The following NUP50 variants were observed in gnomAD, a reference collection of about 807,000 sequenced individuals.
NUP50 encodes nucleoporin 50, also known as nuclear pore complex protein Nup50.
A neutral mutation model predicts 36.8 loss-of-function variants in NUP50; 14 were observed. The ratio of observed to expected loss-of-function variants is 0.38; its 90% CI spans 0.25 to 0.59. NUP50 has a LOEUF of 0.59. Ranked by LOEUF, NUP50 falls within the 20% of genes least tolerant of loss-of-function variation. NUP50 has a pLI of 0.63. For missense variants in NUP50, 455 were observed against 564.6 expected (o/e 0.81, Z 1.97); for synonymous variants, 195 against 210.8 (o/e 0.93, Z 0.65).
chr22:45,183,712 T>A (rs1361591214), intron 7 of NUP50, 192 bp downstream of exon 7: 5 of 516,996 alleles, frequency 9.7e-6, no homozygotes, highest in East Asian at 3.1e-5. Flanking sequence ...TGTTAGAAGC[T>A]GTAAACAAAA....
chr22:45,170,797 A>G (rs564334925), intron 2 of NUP50, among the ~76,000 whole-genome samples: 2 of 152,352 alleles, frequency 1.3e-5, no homozygotes, highest in South Asian at 4.1e-4. Context: ...TCAGGAATGA[A>G]AGAACTCCCA....
In NUP50 at chr22:45,187,354, C is replaced by CT. The variant is rs1350044396; in HGVS notation, c.*2702dup. Reference sequence around the variant, plus strand: ...GTCTGACTGTTCATAGGCTGATTTTCTTTAAGAGGATTATTCTGTTTTACA... The same window carrying CT: ...GTCTGACTGTTCATAGGCTGATTTTCTTTTAAGAGGATTATTCTGTTTTACA... On this transcript the variant is annotated 3_prime_UTR_variant, in exon 8 of 8. Transcript: ENST00000347635. 3 of 142,598 alleles carry CT rather than the reference C, an allele frequency of 2.1e-5. No homozygotes were observed. Among genetic ancestry groups the CT allele is most frequent in the Non-Finnish European group, 3.0e-5 (2 of 65,654 alleles). The allele number at this position is 142,598 out of a possible 1,614,324, so 8.8% of individuals were successfully genotyped here.
In NUP50 at chr22:45,176,042, C is replaced by T; in HGVS notation, c.302C>T (p.Ala101Val). ...GNNITSAPPF[A>V]SAKAAADPKV... ...AACATAACCAGTGCCCCTCCCTTCG[C>T]CAGTGCAAAGGCAGCGGCAGATCCC... The change falls in exon 4 of 8, where the codon GCC becomes GTC. Residue 101 changes from alanine (A) to valine (V), a missense_variant. Transcript: ENST00000347635. The T allele has an allele frequency of 6.2e-7, 1 of 1,614,184 alleles. No individual in the cohort carries two copies. Among genetic ancestry groups the T allele is most frequent in the Middle Eastern group, 1.6e-4 (1 of 6,062 alleles).
In NUP50 at chr22:45,185,599, A is replaced by G. The variant is rs1436620088; in HGVS notation, c.*944A>G. 2 of 152,216 alleles carry G rather than the reference A, an allele frequency of 1.3e-5. No homozygotes were observed. The highest frequency in any genetic ancestry group is 4.8e-5 in the African/African-American group (2 of 41,460). 9.4% of individuals were successfully genotyped at this position (152,216 alleles called of 1,614,324 possible). A position where few individuals can be genotyped will look rare whatever the true frequency, so the allele number is the denominator to read the frequency against. On this transcript the variant is annotated 3_prime_UTR_variant, in exon 8 of 8. Coordinates refer to ENST00000347635, the MANE Select transcript of NUP50 (RefSeq NM_007172.4). ...ACACGAGCCGTGTGAATTCACTAGG[A>G]AACATGTAATAAAGTCATGGAAGAG...
intron 3 of NUP50, among the ~76,000 whole-genome samples, chr22:45,173,100 A>T (rs1454221403): frequency 6.6e-6 from 1 of 152,210 alleles, no homozygotes; most frequent in Non-Finnish European, 1.5e-5. Flanking sequence ...TTTCATGTAG[A>T]ATTCAGGTTA....
intron 4 of NUP50, among the ~76,000 whole-genome samples, chr22:45,177,160 T>G (rs900585740): frequency 4.6e-5 from 7 of 152,146 alleles, no homozygotes; most frequent in Admixed American, 1.3e-4. Flanking sequence ...AAAGTGAGTG[T>G]TCGTATCCAC....
intron 3 of NUP50, among the ~76,000 whole-genome samples, chr22:45,173,852 A>C (rs1456079776): frequency 6.6e-6 from 1 of 152,224 alleles, no homozygotes; most frequent in Non-Finnish European, 1.5e-5. Flanking sequence ...AGGGAAATTA[A>C]GTGTAGGTGG....
At chr22:45,175,852 A>G in intron 3 of NUP50, 42 bp from the exon 4 acceptor site, 1 of 1,598,650 alleles carries the variant, frequency 6.3e-7, no homozygotes, top group Non-Finnish European at 8.6e-7. Context: ...TTGGTAATAG[A>G]AAGTACACTT....
chr22:45,171,518 G>C, intron 2 of NUP50, 82 bp from the exon 3 acceptor site: 5 of 1,300,840 alleles, frequency 3.8e-6, no homozygotes, highest in African/African-American at 1.5e-5. Context: ...CAGTGGCTCA[G>C]TTCTAGCTTG....
chr22:45,178,962 C>G (rs531246146), intron 5 of NUP50, 62 bp downstream of exon 5: 1 of 1,484,438 alleles, frequency 6.7e-7, no homozygotes. Context: ...TTGGGAAACC[C>G]AGAGACTTTG....
intron 7 of NUP50, 138 bp from the exon 8 acceptor site, chr22:45,184,315 T>C: frequency 1.3e-6 from 1 of 778,980 alleles, no homozygotes; most frequent in East Asian, 2.7e-5. Flanking sequence ...GAACCAGTCC[T>C]GATTTTGTGC....
intron 5 of NUP50, 22 bp downstream of exon 5, chr22:45,178,922 G>C: frequency 6.3e-7 from 1 of 1,584,462 alleles, no homozygotes; most frequent in Non-Finnish European, 8.6e-7. Context: ...CTTTGTCGTT[G>C]AGTCGAGGTT....
intron 1 of NUP50, among the ~76,000 whole-genome samples, chr22:45,166,673 A>G (rs2074099617): frequency 7.0e-6 from 1 of 142,682 alleles, no homozygotes; most frequent in South Asian, 2.3e-4. Context: ...AATGAGTAGG[A>G]AAATTGCCAA....
intron 5 of NUP50, among the ~76,000 whole-genome samples, chr22:45,179,522 G>A (rs2074332599): frequency 6.6e-6 from 1 of 152,190 alleles, no homozygotes; most frequent in African/African-American, 2.4e-5. Flanking sequence ...GTGGGGTGAT[G>A]TCATGATGCT....
chr22:45,174,290 G>C (rs573153024), intron 3 of NUP50, among the ~76,000 whole-genome samples: 1 of 151,462 alleles, frequency 6.6e-6, no homozygotes, highest in South Asian at 2.1e-4. Context: ...CAATCCTCCT[G>C]CCTCAGCCTC....
intron 4 of NUP50, among the ~76,000 whole-genome samples, chr22:45,176,402 GA>G (rs964929826): frequency 2.0e-5 from 3 of 152,210 alleles, no homozygotes; most frequent in Admixed American, 6.5e-5. Context: ...AGAGAGAAAA[GA>G]AAATGCTATG....
At chr22:45,170,432 AC>A (rs1412863049) in intron 2 of NUP50, among the ~76,000 whole-genome samples, 1 of 152,220 alleles carries the variant, frequency 6.6e-6, no homozygotes, top group Non-Finnish European at 1.5e-5. Flanking sequence ...ATCTGTAACC[AC>A]GACTTTCAGG....
At chr22:45,174,769 C>G (rs1350276940) in intron 3 of NUP50, among the ~76,000 whole-genome samples, 1 of 152,176 alleles carries the variant, frequency 6.6e-6, no homozygotes, top group Admixed American at 6.5e-5. Flanking sequence ...AATCTAAGCT[C>G]TGTTTATTAT....
At chr22:45,178,210 A>G in intron 4 of NUP50, 28 bp from the exon 5 acceptor site, 1 of 1,585,888 alleles carries the variant, frequency 6.3e-7, no homozygotes, top group Non-Finnish European at 8.6e-7. Flanking sequence ...TAGGCTAAAT[A>G]AATGGTTCAA....
Sources: gnomAD v4.1 joint callset for allele counts (sites outside exome capture counted in the v4.1 genomes callset) on GRCh38, gnomAD v4.1.1 for gene constraint, MANE v1.5 for transcripts, NCBI Gene and HGNC (gene_info 2026-07-23, HGNC 2026-07-21) for gene names.